FGFR3: variants seen among roughly 807,000 people sequenced by gnomAD.
FGFR3 encodes the protein FGFR-3.
FGFR3 carries 25 observed loss-of-function variants against 82.9 expected under a neutral mutation model. The ratio of observed to expected loss-of-function variants is 0.30; its 90% CI spans 0.22 to 0.42. The LOEUF (loss-of-function observed/expected upper bound fraction) is 0.42, where lower values mean the gene tolerates loss of function less well. Ranked by LOEUF, FGFR3 falls within the 10% of genes least tolerant of loss-of-function variation. The probability of loss-of-function intolerance (pLI) is 1.00; values close to 1 mark genes in which losing one functional copy is unlikely to be tolerated. For synonymous variants in FGFR3, 620 were observed against 516.0 expected, an observed-to-expected ratio of 1.20 and a Z score of -2.73; for missense variants, 1,026 against 1,161.0, an observed-to-expected ratio of 0.88 and a Z score of 1.69.
intron 2 of FGFR3, among the ~76,000 whole-genome samples, chr4:1,794,754 G>T (rs1410694649): frequency 6.6e-6 from 1 of 152,016 alleles, no homozygotes; most frequent in Non-Finnish European, 1.5e-5. Context: ...CTGCACACGC[G>T]CCGCGGTTCC....
intron 11 of FGFR3, 40 bp from the exon 12 acceptor site, chr4:1,805,519 G>A (rs766405454): frequency 9.3e-6 from 15 of 1,611,804 alleles, no homozygotes; most frequent in South Asian, 1.1e-5. Context: ...GGCTGGGGGC[G>A]CCGCCGCCGC....
rs1720140066 is a variant in FGFR3, at chr4:1,793,892, C to G, written c.-43C>G. 1 of 885,488 alleles carries G rather than the reference C, an allele frequency of 1.1e-6. No homozygotes were observed. The highest frequency in any genetic ancestry group is 1.4e-6 in the Non-Finnish European group (1 of 699,660). The allele number at this position is 885,488 out of a possible 1,614,324, so 54.9% of individuals were successfully genotyped here. A position where few individuals can be genotyped will look rare whatever the true frequency, so the allele number is the denominator to read the frequency against. On this transcript the variant is annotated 5_prime_UTR_variant, in exon 2 of 18. Transcript: ENST00000440486. The stretch of plus-strand genomic sequence containing the variant: ...GCGCCGGGCCGTGGGGGGCAGCATG[C>G]CCGCGCGCGCTGCCTGAGGACGCCG...
intron 2 of FGFR3, among the ~76,000 whole-genome samples, chr4:1,794,275 G>A (rs771386317): frequency 1.3e-5 from 2 of 152,234 alleles, no homozygotes; most frequent in Non-Finnish European, 2.9e-5. Context: ...CGGGGAGCCA[G>A]GCTGGGGGTT....
In FGFR3 at chr4:1,803,049, C is replaced by T. The variant is rs1205997181; in HGVS notation, c.931-643C>T. ...CGAGAAGGCCTTTTGGCTGAGCGTTCACGGGCCCCGAGCAGGTAACGACTC... is the reference window on the plus strand; with the variant it reads ...CGAGAAGGCCTTTTGGCTGAGCGTTTACGGGCCCCGAGCAGGTAACGACTC... On this transcript the variant is annotated intron_variant, in intron 7 of 17. Coordinates refer to ENST00000440486, the MANE Select transcript of FGFR3 (RefSeq NM_000142.5). 9 of 1,597,114 alleles carry T rather than the reference C, an allele frequency of 5.6e-6. No individual in the cohort carries two copies. The African/African-American group carries it at 1.1e-4, about 19-fold the overall frequency.
intron 1 of FGFR3, 76 bp from the exon 2 acceptor site, chr4:1,793,757 T>C (rs1343446491): frequency 6.5e-6 from 1 of 154,114 alleles, no homozygotes; most frequent in Non-Finnish European, 1.4e-5. Flanking sequence ...GTCGGAGGGG[T>C]CGGGACGCAG....
Position 1,793,968 on chromosome 4 carries a change from G to C in FGFR3, c.34G>C (p.Val12Leu). ...GAPACALALC[V>L]AVAIVAGASS... Reference sequence around the variant, plus strand: ...CCCTGCCTGCGCCCTCGCGCTCTGCGTGGCCGTGGCCATCGTGGCCGGCGC... The same window carrying C: ...CCCTGCCTGCGCCCTCGCGCTCTGCCTGGCCGTGGCCATCGTGGCCGGCGC... The change falls in exon 2 of 18, where the codon GTG (valine) becomes CTG (leucine). Residue 12 changes from valine (V) to leucine (L), a missense_variant. By Grantham distance (32) the Val-to-Leu change is conservative. Transcript: ENST00000440486. 1 of 1,374,110 alleles carries C rather than the reference G, an allele frequency of 7.3e-7. No individual in the cohort carries two copies. Among genetic ancestry groups the C allele is most frequent in the Non-Finnish European group, 9.5e-7 (1 of 1,050,644 alleles). 85.1% of individuals were successfully genotyped at this position (1,374,110 alleles called of 1,614,324 possible). A position where few individuals can be genotyped will look rare whatever the true frequency, so the allele number is the denominator to read the frequency against.
At position 1,808,025 on chromosome 4, in the gene FGFR3, A is replaced by G. The variant is rs891748195; in HGVS notation, c.*763A>G. 3 of 237,352 alleles carry G rather than the reference A, an allele frequency of 1.3e-5. No individual in the cohort carries two copies. The highest frequency in any genetic ancestry group is 2.5e-5 in the Non-Finnish European group (3 of 120,722). The allele number at this position is 237,352 out of a possible 1,614,324, so 14.7% of individuals were successfully genotyped here. A position where few individuals can be genotyped will look rare whatever the true frequency, so the allele number is the denominator to read the frequency against. ...GTGGGGGGGCGTGGAGGGAGGCCCC[A>G]GGGGGTCTCACCCATGCAAGCAGAG... On this transcript the variant is annotated 3_prime_UTR_variant, in exon 18 of 18. Coordinates refer to ENST00000440486, the MANE Select transcript of FGFR3 (RefSeq NM_000142.5).
intron 7 of FGFR3, chr4:1,803,029 A>T: frequency 6.3e-7 from 1 of 1,599,918 alleles, no homozygotes; most frequent in Non-Finnish European, 8.5e-7. Flanking sequence ...GTGGCCGAGA[A>T]GGCCTTTTGG....
chr4:1,804,299 A>G (rs1325222490), intron 8 of FGFR3, 31 bp from the exon 9 acceptor site: 18 of 1,549,416 alleles, frequency 1.2e-5, no homozygotes, highest in Middle Eastern at 1.7e-4. Flanking sequence ...GGGGGGGGCC[A>G]GGCCAGGCCT....
chr4:1,803,502 G>A (rs1409209946), intron 7 of FGFR3, among the ~76,000 whole-genome samples, 190 bp from the exon 8 acceptor site: 1 of 152,264 alleles, frequency 6.6e-6, no homozygotes, highest in Non-Finnish European at 1.5e-5. Flanking sequence ...GAGGGGCCTG[G>A]CTTCGGGCTC....
At position 1,801,604 on chromosome 4, in the gene FGFR3, C is replaced by T. The variant is rs1264978065; in HGVS notation, c.616-16C>T. ...TTGCTGCCTCCGCTCACTCACCCGC[C>T]CGCGTCCCGGTGCAGCTGCGGCATC... On this transcript the variant is annotated splice_polypyrimidine_tract_variant and intron_variant, in intron 5 of 17. Transcript: ENST00000440486. 15 of 1,602,430 alleles carry T rather than the reference C, an allele frequency of 9.4e-6. No individual in the cohort carries two copies. The highest frequency in any genetic ancestry group is 1.3e-5 in the Non-Finnish European group (15 of 1,175,794).
intron 7 of FGFR3, 74 bp from the exon 8 acceptor site, chr4:1,803,618 C>T (rs1434570072): frequency 6.9e-5 from 108 of 1,569,152 alleles, no homozygotes; most frequent in Non-Finnish European, 9.2e-5. Flanking sequence ...CGGCTGGATC[C>T]TGCCGTGTGG....
Position 1,793,928 on chromosome 4 carries a change from C to G in FGFR3, c.-7C>G, listed in dbSNP as rs1373123144. On this transcript the variant is annotated 5_prime_UTR_variant, in exon 2 of 18. Transcript: ENST00000440486. ...TGCCTGAGGACGCCGCGGCCCCCGCCCCCGCCATGGGCGCCCCTGCCTGCG... is the reference window on the plus strand; with the variant it reads ...TGCCTGAGGACGCCGCGGCCCCCGCGCCCGCCATGGGCGCCCCTGCCTGCG... 1 of 1,277,906 alleles carries G rather than the reference C, an allele frequency of 7.8e-7. No individual in the cohort carries two copies. The highest frequency in any genetic ancestry group is 3.3e-5 in the East Asian group (1 of 30,480). The allele number at this position is 1,277,906 out of a possible 1,614,324, so 79.2% of individuals were successfully genotyped here. A position where few individuals can be genotyped will look rare whatever the true frequency, so the allele number is the denominator to read the frequency against.
rs367689136 is a variant in FGFR3 at position 1,807,714 on chromosome 4, G to T, written c.*452G>T. 1.6e-6 allele frequency: 1 copy of T among 613,250 alleles called. No homozygotes were observed. The highest frequency in any genetic ancestry group is 1.4e-5 in the South Asian group (1 of 72,364). The allele number at this position is 613,250 out of a possible 1,614,324, so 38.0% of individuals were successfully genotyped here. A position where few individuals can be genotyped will look rare whatever the true frequency, so the allele number is the denominator to read the frequency against. On this transcript the variant is annotated 3_prime_UTR_variant, in exon 18 of 18. Coordinates refer to ENST00000440486, the MANE Select transcript of FGFR3 (RefSeq NM_000142.5). ...CCTGCAGGGAAGCCCCACATGTCCA[G>T]CACCTTGTGCCTGGGGTGTTAGTGG...
chr4:1,807,187 C>T lies in FGFR3; in HGVS notation c.2346C>T (p.Ser782=), dbSNP rs2108817756. The T allele has an allele frequency of 6.2e-7, 1 of 1,606,946 alleles. No homozygotes were observed. The highest frequency in any genetic ancestry group is 8.5e-7 in the Non-Finnish European group (1 of 1,177,486). The change falls in exon 18 of 18, where the codon TCC becomes TCT. Residue 782 remains serine, a synonymous_variant. Coordinates refer to ENST00000440486, the MANE Select transcript of FGFR3 (RefSeq NM_000142.5). ...GCCAGGACACCCCCAGCTCCAGCTCCTCAGGGGACGACTCCGTGTTTGCCC... is the reference window on the plus strand; with the variant it reads ...GCCAGGACACCCCCAGCTCCAGCTCTTCAGGGGACGACTCCGTGTTTGCCC... The part of the protein sequence containing the change: ...PGGQDTPSSS[S]SGDDSVFAHD...
chr4:1,807,900 TAC>T lies in FGFR3; in HGVS notation c.*640_*641del. ...ATAGATGCTGTGTATATGGTATATA[TAC>T]ATATATATATATAACATATATGGAA... On this transcript the variant is annotated 3_prime_UTR_variant, in exon 18 of 18. Transcript: ENST00000440486. The T allele has an allele frequency of 2.9e-6, 1 of 347,830 alleles. No individual in the cohort carries two copies. The highest frequency in any genetic ancestry group is 5.4e-6 in the Non-Finnish European group (1 of 184,692). 21.5% of individuals were successfully genotyped at this position (347,830 alleles called of 1,614,324 possible). A position where few individuals can be genotyped will look rare whatever the true frequency, so the allele number is the denominator to read the frequency against.
chr4:1,799,098 C>T (rs1263850244), intron 2 of FGFR3, among the ~76,000 whole-genome samples, 156 bp from the exon 3 acceptor site: 1 of 152,120 alleles, frequency 6.6e-6, no homozygotes, highest in Non-Finnish European at 1.5e-5. Context: ...GACCTTTGGC[C>T]CTTTTGGGAC....
chr4:1,804,774 C>A, intron 9 of FGFR3, 50 bp from the exon 10 acceptor site: 1 of 1,547,860 alleles, frequency 6.5e-7, no homozygotes, highest in Non-Finnish European at 8.7e-7. Flanking sequence ...GCTGTACCTC[C>A]ACGCCCTGTC....
chr4:1,795,517 C>T (rs1720399546), intron 2 of FGFR3, among the ~76,000 whole-genome samples: 1 of 150,132 alleles, frequency 6.7e-6, no homozygotes, highest in South Asian at 2.1e-4. Flanking sequence ...GGTTCCTTAA[C>T]AAGATGGGCC....
Sources: gnomAD v4.1 joint callset for allele counts (sites outside exome capture counted in the v4.1 genomes callset) on GRCh38, gnomAD v4.1.1 for gene constraint, MANE v1.5 for transcripts, NCBI Gene and HGNC (gene_info 2026-07-23, HGNC 2026-07-21) for gene names.